The following CAST variants were observed in gnomAD, a reference collection of about 807,000 sequenced individuals.
CAST encodes calpastatin, also known as MIR583 host.
A neutral mutation model predicts 119.6 loss-of-function variants in CAST; 76 were observed. That is an observed-to-expected ratio of 0.64 (90% CI 0.53 to 0.77). The LOEUF is 0.77. Among genes scored for constraint, CAST ranks in the 30% least tolerant of loss-of-function variants. The pLI is 0.00. For synonymous variants in CAST, 319 were observed against 331.6 expected (o/e 0.96, Z 0.41); for missense variants, 953 against 946.5 (o/e 1.01, Z -0.09).
chr5:96,772,438 A>G (rs1772768256), intron 31 of CAST: 1 of 152,570 alleles, frequency 6.6e-6, no homozygotes, highest in Non-Finnish European at 1.5e-5. Context: ...TCCTAGGAAA[A>G]AAGGAGCTAT....
chr5:96,220,732 T>C, the CAST span, among the ~76,000 whole-genome samples: 1 of 152,218 alleles, frequency 6.6e-6, no homozygotes, highest in African/African-American at 2.4e-5. Flanking sequence ...TTTGATTCAT[T>C]TTGTTTCTAA....
At chr5:96,039,043 G>A in the CAST span, among the ~76,000 whole-genome samples, 1 of 152,112 alleles carries the variant, frequency 6.6e-6, no homozygotes, top group Non-Finnish European at 1.5e-5. Flanking sequence ...GTTGTTTCCT[G>A]ATATTTTAAT....
chr5:96,276,191 C>A, the CAST span, among the ~76,000 whole-genome samples: 1 of 152,124 alleles, frequency 6.6e-6, no homozygotes, highest in Non-Finnish European at 1.5e-5. Flanking sequence ...GATTTTCTCC[C>A]TCTCCTTGTC....
chr5:96,762,484 C>T, intron 25 of CAST, 112 bp downstream of exon 25: 1 of 645,330 alleles, frequency 1.5e-6, no homozygotes, highest in Non-Finnish European at 2.6e-6. Flanking sequence ...TTAGGAAGAT[C>T]AGGCACCTTC....
the CAST span, among the ~76,000 whole-genome samples, chr5:96,102,148 T>A: frequency 5.9e-5 from 9 of 152,118 alleles, no homozygotes; most frequent in Non-Finnish European, 1.3e-4. Flanking sequence ...TGACAGCCTT[T>A]TTTGGGTGCT....
At chr5:96,154,330 G>A in the CAST span, among the ~76,000 whole-genome samples, 2 of 151,782 alleles carry the variant, frequency 1.3e-5, no homozygotes, top group African/African-American at 4.8e-5. Flanking sequence ...TGAATATTGT[G>A]ATATGCAAAG....
intron 1 of CAST, among the ~76,000 whole-genome samples, chr5:96,599,379 A>G (rs1228502190): frequency 1.3e-5 from 2 of 152,168 alleles, no homozygotes; most frequent in Non-Finnish European, 2.9e-5. Context: ...GAATTAGAAA[A>G]TATCTGTTTC....
At chr5:96,662,817 C>T (rs917371765) in intron 1 of CAST, among the ~76,000 whole-genome samples, 2 of 152,302 alleles carry the variant, frequency 1.3e-5, no homozygotes, top group East Asian at 3.9e-4. Flanking sequence ...CTCAGGACCC[C>T]CGAGTGAGTG....
chr5:96,320,526 CCGTGCCCGGT>C, the CAST span, among the ~76,000 whole-genome samples: 1 of 152,156 alleles, frequency 6.6e-6, no homozygotes, highest in Non-Finnish European at 1.5e-5. Context: ...GCGTGAGTCA[CCGTGCCCGGT>C]CGGCTTTTGC....
At chr5:96,392,871 AAAAG>A in the CAST span, 1 of 951,008 alleles carries the variant, frequency 1.1e-6, no homozygotes, top group Admixed American at 1.8e-5. Context: ...TTTAGGGAGA[AAAAG>A]AAAAGGTGCC....
At chr5:96,592,804 G>A (rs929219899) in intron 1 of CAST, among the ~76,000 whole-genome samples, 7 of 148,788 alleles carry the variant, frequency 4.7e-5, no homozygotes, top group South Asian at 4.2e-4. Context: ...TTGCTCTGTC[G>A]CCCAGGCTGG....
the CAST span, among the ~76,000 whole-genome samples, chr5:96,404,935 C>T: frequency 6.6e-6 from 1 of 152,142 alleles, no homozygotes. Flanking sequence ...ATATTGGGTG[C>T]CATTATTCTT....
chr5:96,378,412 T>G, the CAST span, among the ~76,000 whole-genome samples: 1 of 152,162 alleles, frequency 6.6e-6, no homozygotes, highest in Non-Finnish European at 1.5e-5. Context: ...ATTGGGATGA[T>G]TATTTTACAG....
the CAST span, among the ~76,000 whole-genome samples, chr5:96,174,943 T>C: frequency 6.6e-6 from 1 of 152,206 alleles, no homozygotes; most frequent in African/African-American, 2.4e-5. Flanking sequence ...CAGATTTATC[T>C]AGGCAAACTG....
chr5:96,077,995 G>A, the CAST span, among the ~76,000 whole-genome samples: 1 of 152,118 alleles, frequency 6.6e-6, no homozygotes, highest in Non-Finnish European at 1.5e-5. Flanking sequence ...TTTCTTAGGT[G>A]AGATTTATCT....
chr5:96,145,738 T>G, the CAST span, among the ~76,000 whole-genome samples: 32 of 152,322 alleles, frequency 2.1e-4, no homozygotes, highest in South Asian at 2.3e-3. Context: ...CCCTCAAACT[T>G]GGTGGTTTAA....
chr5:96,663,036 G>A (rs1239075950), intron 1 of CAST: 1 of 697,416 alleles, frequency 1.4e-6, no homozygotes. Flanking sequence ...GTGCCAGCCC[G>A]GTCCCGGCCA....
chr5:96,710,828 T>C lies in CAST; in HGVS notation c.211-11811T>C, dbSNP rs542535505. Among the ~76,000 whole-genome samples the C allele has an allele frequency of 1.1e-4, 16 of 152,182 alleles. No homozygotes were observed. The South Asian group carries it at 3.3e-3, about 32-fold the overall frequency. On this transcript the variant is annotated intron_variant, in intron 3 of 31. Transcript: ENST00000675179. ...GAGTTTTTAATCAATTAGTTAATTA[T>C]ATTTACTTGGGATTTTAGCCCTAAT...
At chr5:96,489,766 C>T in the CAST span, among the ~76,000 whole-genome samples, 4 of 152,082 alleles carry the variant, frequency 2.6e-5, no homozygotes, top group African/African-American at 7.2e-5. Flanking sequence ...CCAACAACCC[C>T]GTGAAGATGC....
Sources: allele counts gnomAD v4.1 joint callset (sites outside exome capture counted in the v4.1 genomes callset), GRCh38; gene constraint gnomAD v4.1.1; transcripts MANE v1.5; gene names NCBI Gene and HGNC (gene_info 2026-07-23, HGNC 2026-07-21).